The following RPTOR variants were observed in gnomAD, a reference collection of about 807,000 sequenced individuals.
RPTOR encodes regulatory associated protein of MTOR complex 1, also known as regulatory-associated protein of mTOR.
A neutral mutation model predicts 169.9 loss-of-function variants in RPTOR; 21 were observed. The observed-to-expected ratio is 0.12, with a 90% confidence interval of 0.09 to 0.18. The LOEUF is 0.18. Among genes scored for constraint, RPTOR ranks in the 10% least tolerant of loss-of-function variants. RPTOR has a pLI of 1.00. For synonymous variants in RPTOR, 732 were observed against 753.2 expected (o/e 0.97, Z 0.46); for missense variants, 1,133 against 1,855.9 (o/e 0.61, Z 7.16).
intron 5 of RPTOR, among the ~76,000 whole-genome samples, chr17:80,739,877 C>T (rs957279156): frequency 6.6e-6 from 1 of 151,894 alleles, no homozygotes; most frequent in African/African-American, 2.4e-5. Flanking sequence ...GATATAAATT[C>T]CTACTTCAAG....
chr17:80,845,623 A>C lies in RPTOR; in HGVS notation c.1213-850A>C, dbSNP rs1201276791. 7.4e-5 allele frequency among the ~76,000 whole-genome samples: 10 copies of C among 135,522 alleles called. No homozygotes were observed. Among genetic ancestry groups the C allele is most frequent in the Admixed American group, 3.0e-4 (4 of 13,474 alleles). The allele number at this position is 135,522 out of a possible 152,430, so 88.9% of individuals were successfully genotyped here. A position where few individuals can be genotyped will look rare whatever the true frequency, so the allele number is the denominator to read the frequency against. On this transcript the variant is annotated intron_variant, in intron 10 of 33. Transcript: ENST00000306801. This position sits in a 1 kb window ranked among gnomAD's most constrained non-coding sequence, Gnocchi z 5.4. ...GGATGCCCTCCAGCAGCCTTTCCCC[A>C]CCCTCCGTGCCCCCAGCTGGGTCTT...
intron 3 of RPTOR, among the ~76,000 whole-genome samples, chr17:80,674,859 A>G (rs1396766919): frequency 1.3e-5 from 2 of 150,888 alleles, no homozygotes; most frequent in Non-Finnish European, 3.0e-5. Context: ...CAAGATCAAG[A>G]CACTTTTGTA....
chr17:80,697,000 C>T (rs1035253080), intron 3 of RPTOR, among the ~76,000 whole-genome samples: 1 of 152,212 alleles, frequency 6.6e-6, no homozygotes, highest in African/African-American at 2.4e-5. Context: ...TGGCTGCCCT[C>T]TGCCAGCAGG....
intron 24 of RPTOR, among the ~76,000 whole-genome samples, chr17:80,937,914 T>C (rs759879229): frequency 7.2e-5 from 11 of 152,236 alleles, no homozygotes; most frequent in Non-Finnish European, 1.2e-4. Flanking sequence ...CCTGTGACCC[T>C]CGTGGTCATA....
At chr17:80,928,138 G>A (rs893155399) in intron 24 of RPTOR, among the ~76,000 whole-genome samples, 3 of 152,176 alleles carry the variant, frequency 2.0e-5, no homozygotes, top group East Asian at 3.8e-4. Flanking sequence ...TGTTGTGGTC[G>A]GCGTCGTCTG....
Position 80,947,366 on chromosome 17 carries a change from C to A in RPTOR, c.3265+15C>A. ...GACGGCCACAGGTGAGCGGGGTTTGCACAGCCAGGATTGGAAGCCAGGGTC... is the reference window on the plus strand; with the variant it reads ...GACGGCCACAGGTGAGCGGGGTTTGAACAGCCAGGATTGGAAGCCAGGGTC... On this transcript the variant is annotated intron_variant, in intron 27 of 33. Transcript: ENST00000306801. The surrounding 1 kb of genome is among the most constrained non-coding windows in gnomAD (Gnocchi z 4.4). 6 of 1,539,832 alleles carry A rather than the reference C, an allele frequency of 3.9e-6. No individual in the cohort carries two copies. Among genetic ancestry groups the A allele is most frequent in the Non-Finnish European group, 4.4e-6 (5 of 1,145,322 alleles).
chr17:80,674,787 CAAAAAAAAAAAAAAAAA>C (rs9319608), intron 3 of RPTOR, among the ~76,000 whole-genome samples: 20 of 89,972 alleles, frequency 2.2e-4, no homozygotes, highest in African/African-American at 7.3e-4. Context: ...GACTCTGTCT[CAAAAAAAAAAAAAAAAA>C]AAAAAAAAAA....
chr17:80,942,376 G>C (rs2069042839), intron 25 of RPTOR, among the ~76,000 whole-genome samples: 1 of 149,302 alleles, frequency 6.7e-6, no homozygotes, highest in Non-Finnish European at 1.5e-5. Flanking sequence ...GCGAAACAGA[G>C]CCGGCATTCG....
intron 7 of RPTOR, among the ~76,000 whole-genome samples, chr17:80,798,900 C>G (rs2067128020): frequency 6.6e-6 from 1 of 152,068 alleles, no homozygotes; most frequent in Non-Finnish European, 1.5e-5. Context: ...CCCCCGTGTC[C>G]CTACACACCA....
intron 1 of RPTOR, among the ~76,000 whole-genome samples, chr17:80,615,038 T>C (rs1288330290): frequency 1.3e-5 from 2 of 152,170 alleles, no homozygotes; most frequent in African/African-American, 4.8e-5. Context: ...TAAGGTGAGG[T>C]TTGCTAAGCC....
intron 6 of RPTOR, among the ~76,000 whole-genome samples, chr17:80,779,792 CTG>C (rs757604199): frequency 6.4e-4 from 97 of 152,310 alleles, no homozygotes; most frequent in African/African-American, 2.1e-3. Flanking sequence ...TGTGGACAAA[CTG>C]TGTTTCAAGC....
intron 1 of RPTOR, among the ~76,000 whole-genome samples, chr17:80,599,167 G>A (rs1245086014): frequency 1.3e-5 from 2 of 152,158 alleles, no homozygotes; most frequent in Non-Finnish European, 2.9e-5. Flanking sequence ...CGGGACTGTA[G>A]ACCAGGTTAT....
chr17:80,581,810 A>G (rs1216370132), intron 1 of RPTOR, among the ~76,000 whole-genome samples: 1 of 152,264 alleles, frequency 6.6e-6, no homozygotes, highest in Non-Finnish European at 1.5e-5. Context: ...GAGACTGCTC[A>G]TGGAGCATCT....
chr17:80,851,644 C>T (rs74004014), intron 11 of RPTOR, among the ~76,000 whole-genome samples: 14 of 152,364 alleles, frequency 9.2e-5, no homozygotes, highest in South Asian at 2.1e-4. Context: ...CCGAGGCCCC[C>T]GCGTGTGTTT....
Position 80,545,335 on chromosome 17 carries a change from G to T in RPTOR, c.-295G>T. 3.4e-6 allele frequency: 1 copy of T among 293,590 alleles called. No homozygotes were observed. The allele number at this position is 293,590 out of a possible 1,614,324, so 18.2% of individuals were successfully genotyped here. Reference sequence around the variant, plus strand: ...GGCAGCTCCCCTCGCAGCCCCTCTGGAAACGTACAGCCTCAGGAGCAGCCA... The same window carrying T: ...GGCAGCTCCCCTCGCAGCCCCTCTGTAAACGTACAGCCTCAGGAGCAGCCA... On this transcript the variant is annotated 5_prime_UTR_variant, in exon 1 of 34. Coordinates refer to ENST00000306801, the MANE Select transcript of RPTOR (RefSeq NM_020761.3).
intron 20 of RPTOR, among the ~76,000 whole-genome samples, chr17:80,906,891 C>T (rs2068550263): frequency 1.3e-5 from 2 of 152,182 alleles, no homozygotes; most frequent in Admixed American, 1.3e-4. Context: ...GGGCATGGGG[C>T]TTCCCTGACC....
At chr17:80,694,524 T>C (rs2143751068) in intron 3 of RPTOR, among the ~76,000 whole-genome samples, 1 of 152,312 alleles carries the variant, frequency 6.6e-6, no homozygotes, top group East Asian at 1.9e-4. Context: ...GTGAATGTGT[T>C]GGTTCTGGTG....
At chr17:80,924,324 C>T (rs975779120) in intron 23 of RPTOR, among the ~76,000 whole-genome samples, 4 of 152,140 alleles carry the variant, frequency 2.6e-5, no homozygotes, top group African/African-American at 7.2e-5. Context: ...TGGTTCAGGG[C>T]GCACCCAGCA....
chr17:80,945,849 C>G, intron 26 of RPTOR, 68 bp downstream of exon 26: 1 of 851,250 alleles, frequency 1.2e-6, no homozygotes, highest in African/African-American at 1.8e-5. Flanking sequence ...CTGTTCTCCC[C>G]CGATCACCAC....
Sources: gnomAD v4.1 joint callset for allele counts (sites outside exome capture counted in the v4.1 genomes callset) on GRCh38, gnomAD v4.1.1 for gene constraint, Gnocchi (gnomAD v3.1) non-coding constraint, MANE v1.5 for transcripts, NCBI Gene and HGNC (gene_info 2026-07-23, HGNC 2026-07-21) for gene names.